PPP3CA: variants seen among roughly 807,000 people sequenced by gnomAD.
PPP3CA encodes protein phosphatase 3 catalytic subunit alpha.
PPP3CA carries 14 observed loss-of-function variants against 66.5 expected under a neutral mutation model. The ratio of observed to expected loss-of-function variants is 0.21; its 90% confidence interval spans 0.14 to 0.33. The LOEUF (loss-of-function observed/expected upper bound fraction) is 0.33. PPP3CA is among the 10% of genes least tolerant of loss of function. The pLI, the probability that PPP3CA is intolerant of heterozygous loss-of-function variation, is 1.00. For synonymous variants in PPP3CA, 232 were observed against 226.2 expected, an observed-to-expected ratio of 1.03 and a Z score of -0.23; for missense variants, 317 against 639.5, an observed-to-expected ratio of 0.50 and a Z score of 5.44.
At chr4:101,131,037 G>A (rs1161683073) in intron 2 of PPP3CA, among the ~76,000 whole-genome samples, 1 of 152,006 alleles carries the variant, frequency 6.6e-6, no homozygotes, top group East Asian at 1.9e-4. Context: ...AAACTAGCCT[G>A]GCCAGGCTGG....
intron 2 of PPP3CA, among the ~76,000 whole-genome samples, chr4:101,184,024 T>C (rs17030903): frequency 1.3e-5 from 2 of 152,054 alleles, no homozygotes; most frequent in African/African-American, 2.4e-5. Context: ...AAGACAAAAG[T>C]AGCTAGGTCA....
chr4:101,118,567 G>A (rs1010341787), intron 2 of PPP3CA, among the ~76,000 whole-genome samples: 2 of 151,754 alleles, frequency 1.3e-5, no homozygotes, highest in Non-Finnish European at 2.9e-5. Flanking sequence ...TTAGTTTCTG[G>A]TTTTTATGTG....
chr4:101,080,473 G>A lies in PPP3CA; in HGVS notation c.955+59C>T, dbSNP rs547591000. ...ACTTAAGACCAAACCAAAATAAAAC[G>A]GCTTAAGAATTATTACACATATTAT... On this transcript the variant is annotated intron_variant, in intron 8 of 13. Coordinates refer to ENST00000394854, the MANE Select transcript of PPP3CA (RefSeq NM_000944.5). The A allele has an allele frequency of 2.1e-5, 20 of 957,044 alleles. No homozygotes were observed. In the East Asian group the frequency reaches 2.3e-4, roughly 11 times the overall value. 59.3% of individuals were successfully genotyped at this position (957,044 alleles called of 1,614,324 possible). A position where few individuals can be genotyped will look rare whatever the true frequency, so the allele number is the denominator to read the frequency against.
At chr4:101,124,799 GA>G (rs1722194090) in intron 2 of PPP3CA, among the ~76,000 whole-genome samples, 5 of 100,392 alleles carry the variant, frequency 5.0e-5, no homozygotes, top group African/African-American at 2.0e-4. Context: ...AAGAAAGAAA[GA>G]GAAAACTGTA....
At chr4:101,289,255 G>A (rs918243739) in intron 1 of PPP3CA, among the ~76,000 whole-genome samples, 4 of 152,136 alleles carry the variant, frequency 2.6e-5, no homozygotes, top group African/African-American at 7.2e-5. Flanking sequence ...ACATATAGGT[G>A]TAATCATGGT....
chr4:101,308,139 T>A (rs1239832981), intron 1 of PPP3CA, among the ~76,000 whole-genome samples: 1 of 152,250 alleles, frequency 6.6e-6, no homozygotes. Context: ...ATCCTGTATG[T>A]GCTCTCATAG....
At chr4:101,251,829 A>C (rs775335638) in intron 1 of PPP3CA, among the ~76,000 whole-genome samples, 2 of 152,202 alleles carry the variant, frequency 1.3e-5, no homozygotes, top group African/African-American at 2.4e-5. Context: ...GCAAAAAGTA[A>C]AACAAGATCT....
intron 1 of PPP3CA, among the ~76,000 whole-genome samples, chr4:101,299,686 C>T (rs1175153462): frequency 6.6e-6 from 1 of 152,128 alleles, no homozygotes; most frequent in Non-Finnish European, 1.5e-5. Flanking sequence ...TGCTAAAGGA[C>T]AGACACTTGT....
intron 2 of PPP3CA, among the ~76,000 whole-genome samples, chr4:101,120,511 T>A (rs1721992841): frequency 6.7e-6 from 1 of 149,712 alleles, no homozygotes; most frequent in Non-Finnish European, 1.5e-5. Context: ...TTTCCATCCA[T>A]CACATTACTC....
At chr4:101,079,394 T>C (rs75162506) in intron 8 of PPP3CA, among the ~76,000 whole-genome samples, 3 of 151,584 alleles carry the variant, frequency 2.0e-5, no homozygotes, top group Admixed American at 2.0e-4. Flanking sequence ...TTTTTTTTTT[T>C]TTGAGATGGA....
intron 1 of PPP3CA, among the ~76,000 whole-genome samples, chr4:101,199,159 A>C (rs886578243): frequency 6.6e-6 from 1 of 152,238 alleles, no homozygotes; most frequent in Non-Finnish European, 1.5e-5. Context: ...TACAAAGGTC[A>C]CATTTATTTG....
At chr4:101,240,249 T>C (rs1324321101) in intron 1 of PPP3CA, among the ~76,000 whole-genome samples, 10 of 152,078 alleles carry the variant, frequency 6.6e-5, no homozygotes, top group Admixed American at 2.0e-4. Flanking sequence ...AAAATTTATA[T>C]ATGCAATAGA....
At chr4:101,302,911 G>A (rs905303094) in intron 1 of PPP3CA, among the ~76,000 whole-genome samples, 1 of 152,256 alleles carries the variant, frequency 6.6e-6, no homozygotes, top group African/African-American at 2.4e-5. Context: ...ACAAAGCACA[G>A]GAATCAAGTT....
At chr4:101,155,518 G>A (rs1723290229) in intron 2 of PPP3CA, among the ~76,000 whole-genome samples, 1 of 152,190 alleles carries the variant, frequency 6.6e-6, no homozygotes, top group Admixed American at 6.5e-5. Flanking sequence ...AGATCAGAAA[G>A]CAGTATGACT....
intron 1 of PPP3CA, among the ~76,000 whole-genome samples, chr4:101,331,672 T>A (rs2110333391): frequency 6.6e-6 from 1 of 152,320 alleles, no homozygotes; most frequent in East Asian, 1.9e-4. Context: ...GTGCTTCAGG[T>A]TTTTAAGTCC....
intron 1 of PPP3CA, among the ~76,000 whole-genome samples, chr4:101,208,887 A>C (rs888448234): frequency 6.6e-6 from 1 of 152,194 alleles, no homozygotes; most frequent in African/African-American, 2.4e-5. Context: ...AATACTCTTT[A>C]TATCGGGTTT....
chr4:101,278,122 T>TAAAAAAAAAAAAAAAAAAA lies in PPP3CA; in HGVS notation c.58+68616_58+68617insTTTTTTTTTTTTTTTTTTT, dbSNP rs3077992. Among the ~76,000 whole-genome samples, 79 of 112,122 alleles carry TAAAAAAAAAAAAAAAAAAA rather than the reference T, an allele frequency of 7.0e-4. 3 individuals are homozygous for TAAAAAAAAAAAAAAAAAAA. Among genetic ancestry groups the TAAAAAAAAAAAAAAAAAAA allele is most frequent in the African/African-American group, 2.3e-3 (51 of 22,644 alleles). The allele number at this position is 112,122 out of a possible 152,430, so 73.6% of individuals were successfully genotyped here. Reference sequence around the variant, plus strand: ...AAAATGAAACTTTAAAAGCTATTAGTAAAAAAAAAAAAAAAAATAAAAAAA... The same window carrying TAAAAAAAAAAAAAAAAAAA: ...AAAATGAAACTTTAAAAGCTATTAGTAAAAAAAAAAAAAAAAAAAAAAAAAAAAAAAAAAAATAAAAAAA... On this transcript the variant is annotated intron_variant, in intron 1 of 13. Coordinates refer to ENST00000394854, the MANE Select transcript of PPP3CA (RefSeq NM_000944.5).
chr4:101,060,979 AC>A, intron 10 of PPP3CA, 107 bp downstream of exon 10: 1 of 909,914 alleles, frequency 1.1e-6, no homozygotes, highest in Non-Finnish European at 1.8e-6. Context: ...CAATAATGTT[AC>A]GTTTTAAACA....
At chr4:101,260,262 G>C (rs1407748672) in intron 1 of PPP3CA, among the ~76,000 whole-genome samples, 1 of 152,100 alleles carries the variant, frequency 6.6e-6, no homozygotes, top group Non-Finnish European at 1.5e-5. Context: ...AAAAGAAATG[G>C]TGTGTTTGTA....
Sources: gnomAD v4.1 joint callset for allele counts (sites outside exome capture counted in the v4.1 genomes callset) on GRCh38, gnomAD v4.1.1 for gene constraint, MANE v1.5 for transcripts, NCBI Gene and HGNC (gene_info 2026-07-23, HGNC 2026-07-21) for gene names.